The following NDST4 variants were observed in gnomAD, a reference collection of about 807,000 sequenced individuals.
NDST4 encodes the protein N-deacetylase and N-sulfotransferase 4, also known as N-heparan sulfate sulfotransferase 4.
A neutral mutation model predicts 100.8 loss-of-function variants in NDST4; 63 were observed. That is an observed-to-expected ratio of 0.62 (90% CI 0.51 to 0.77). NDST4 has a LOEUF of 0.77. Among genes scored for constraint, NDST4 ranks in the 30% least tolerant of loss-of-function variants. NDST4 has a pLI of 0.00. For synonymous variants in NDST4, 377 were observed against 361.8 expected (o/e 1.04, Z -0.48); for missense variants, 943 against 1,018.4 (o/e 0.93, Z 1.01).
At chr4:114,892,914 T>A (rs544421846) in intron 6 of NDST4, among the ~76,000 whole-genome samples, 3 of 152,060 alleles carry the variant, frequency 2.0e-5, no homozygotes, top group South Asian at 4.2e-4. Context: ...CCCTCAACAG[T>A]CCCTGGTGTG....
At chr4:114,973,902 A>G (rs929518529) in intron 3 of NDST4, among the ~76,000 whole-genome samples, 1 of 151,812 alleles carries the variant, frequency 6.6e-6, no homozygotes, top group Non-Finnish European at 1.5e-5. Context: ...GATAGAATAA[A>G]CTACTTTTTA....
chr4:115,012,323 G>T (rs904205757), intron 2 of NDST4, among the ~76,000 whole-genome samples: 1 of 151,794 alleles, frequency 6.6e-6, no homozygotes, highest in Non-Finnish European at 1.5e-5. Flanking sequence ...TTTATAAAAG[G>T]CTGGGTTATC....
chr4:114,929,026 G>C (rs143713200), intron 6 of NDST4, among the ~76,000 whole-genome samples: 2 of 134,498 alleles, frequency 1.5e-5, no homozygotes, highest in African/African-American at 5.9e-5. Flanking sequence ...CTATCTATCT[G>C]TCTGTCTGTC....
In NDST4 at chr4:114,870,765, TA is replaced by T. The variant is rs759564632; in HGVS notation, c.1719+2del. On this transcript the variant is annotated splice_donor_variant, in intron 7 of 13. Coordinates refer to ENST00000264363, the MANE Select transcript of NDST4 (RefSeq NM_022569.3). LOFTEE classifies it high-confidence loss of function. ...CACCCCAAGAGAGAATGTTAAATGT[TA>T]CCTGCCATAGAGGGTCTTTCTGCTC... The T allele has an allele frequency of 6.3e-7, 1 of 1,594,234 alleles. No homozygotes were observed. Among genetic ancestry groups the T allele is most frequent in the South Asian group, 1.1e-5 (1 of 87,598 alleles).
At chr4:114,843,381 C>T (rs940228651) in intron 10 of NDST4, among the ~76,000 whole-genome samples, 3 of 152,122 alleles carry the variant, frequency 2.0e-5, no homozygotes, top group African/African-American at 7.2e-5. Context: ...GGCCTTTAAC[C>T]TCTCTTTTTC....
At chr4:115,039,082 CTATA>C (rs148876920) in intron 2 of NDST4, among the ~76,000 whole-genome samples, 7,047 of 152,184 alleles carry the variant, frequency 0.046, 472 homozygotes, top group African/African-American at 0.14. Flanking sequence ...AAATCGTGGA[CTATA>C]TCTATAAAAC....
intron 1 of NDST4, among the ~76,000 whole-genome samples, chr4:115,090,427 G>C (rs188147408): frequency 6.6e-6 from 1 of 151,752 alleles, no homozygotes; most frequent in East Asian, 1.9e-4. Flanking sequence ...CAAAACTAAA[G>C]TGAAAAAGGA....
At chr4:115,077,737 T>C (rs1366963666) in intron 1 of NDST4, among the ~76,000 whole-genome samples, 1 of 152,324 alleles carries the variant, frequency 6.6e-6, no homozygotes, top group East Asian at 1.9e-4. Context: ...AATTCCCAGC[T>C]GACTAAATAA....
intron 2 of NDST4, among the ~76,000 whole-genome samples, chr4:115,027,318 A>G (rs560889455): frequency 1.6e-3 from 240 of 152,242 alleles, no homozygotes; most frequent in Non-Finnish European, 1.0e-3. Context: ...CAGCCTCTCT[A>G]TTAAAACAGT....
intron 1 of NDST4, among the ~76,000 whole-genome samples, chr4:115,109,850 T>C (rs536356574): frequency 6.6e-6 from 1 of 151,890 alleles, no homozygotes; most frequent in Non-Finnish European, 1.5e-5. Flanking sequence ...ATGGCATGAA[T>C]TTTCTGAATA....
chr4:115,025,760 T>C (rs1261819239), intron 2 of NDST4, among the ~76,000 whole-genome samples: 1 of 152,174 alleles, frequency 6.6e-6, no homozygotes, highest in Non-Finnish European at 1.5e-5. Context: ...GAATTTAAAG[T>C]TTCTGTAATT....
intron 6 of NDST4, among the ~76,000 whole-genome samples, chr4:114,875,468 C>G (rs1459123893): frequency 2.0e-5 from 3 of 152,072 alleles, no homozygotes. Context: ...AATGATGTAT[C>G]TAAAGTTCAA....
rs113975512 is a variant in NDST4 at position 114,877,063 on chromosome 4, AACAC to A, written c.1537-6117_1537-6114del. On this transcript the variant is annotated intron_variant, in intron 6 of 13. Coordinates refer to ENST00000264363, the MANE Select transcript of NDST4 (RefSeq NM_022569.3). ...AGTAGTTCCTATATTAAGTGTTATT[AACAC>A]ACACACACACACACACACACGCGTG... Among the ~76,000 whole-genome samples the A allele has an allele frequency of 7.5e-3, 1,088 of 145,804 alleles. 10 individuals carry two copies. The highest frequency in any genetic ancestry group is 0.016 in the Admixed American group (235 of 14,550).
chr4:114,995,019 G>A (rs1727129396), intron 2 of NDST4, among the ~76,000 whole-genome samples: 3 of 151,924 alleles, frequency 2.0e-5, no homozygotes, highest in Admixed American at 2.0e-4. Flanking sequence ...TATTGAACTT[G>A]GACCAGAAGT....
At chr4:114,939,713 C>A (rs140914108) in intron 4 of NDST4, among the ~76,000 whole-genome samples, 1 of 150,570 alleles carries the variant, frequency 6.6e-6, no homozygotes, top group African/African-American at 2.4e-5. Context: ...GCAATTGATT[C>A]GGTGAGTAGG....
chr4:115,086,753 T>C (rs964316735), intron 1 of NDST4, among the ~76,000 whole-genome samples: 4 of 152,096 alleles, frequency 2.6e-5, no homozygotes, highest in Non-Finnish European at 5.9e-5. Flanking sequence ...TCTTATTTTC[T>C]AAAGCAAAGA....
intron 2 of NDST4, among the ~76,000 whole-genome samples, chr4:115,046,727 C>G (rs749713286): frequency 6.6e-6 from 1 of 151,964 alleles, no homozygotes; most frequent in Non-Finnish European, 1.5e-5. Flanking sequence ...TTAGCTTATA[C>G]TGGAAAATTG....
At position 115,076,406 on chromosome 4, in the gene NDST4, C is replaced by A; in HGVS notation, c.631G>T (p.Glu211Ter). ...LLHITKAPKV[E>*]KGPLPGEDWT... ...TCTTCCCCAGGAAGAGGGCCTTTCT[C>A]AACCTTGGGGGCTTTGGTAATATGC... The change falls in exon 2 of 14, where the codon GAG becomes TAG. Residue 211 changes from glutamate (E) to a stop codon, truncating the protein, a stop_gained. Transcript: ENST00000264363. LOFTEE classifies it high-confidence loss of function. The A allele has an allele frequency of 6.2e-7, 1 of 1,613,960 alleles. No homozygotes were observed. The highest frequency in any genetic ancestry group is 1.1e-5 in the South Asian group (1 of 91,084).
At chr4:115,027,882 C>A (rs1728023017) in intron 2 of NDST4, among the ~76,000 whole-genome samples, 1 of 151,952 alleles carries the variant, frequency 6.6e-6, no homozygotes, top group South Asian at 2.1e-4. Flanking sequence ...GGAAAAACCC[C>A]ATCTCTAATA....
Sources: allele counts gnomAD v4.1 joint callset (sites outside exome capture counted in the v4.1 genomes callset), GRCh38; gene constraint gnomAD v4.1.1; transcripts MANE v1.5; gene names NCBI Gene and HGNC (gene_info 2026-07-23, HGNC 2026-07-21).